Variants in SKI observed in about 807,000 individuals in gnomAD.
The protein encoded by SKI is SKI proto-oncogene.
In SKI, 23 loss-of-function variants were observed where a neutral mutation model predicts 59.3. That is an observed-to-expected ratio of 0.39 (90% CI 0.28 to 0.55). The LOEUF is 0.55. Ranked by LOEUF, SKI falls within the 20% of genes least tolerant of loss-of-function variation. The pLI is 0.67. For missense variants in SKI, 1,017 were observed against 1,038.9 expected (o/e 0.98, Z 0.29); for synonymous variants, 673 against 488.6 (o/e 1.38, Z -4.98).
chr1:2,306,857 C>G lies in SKI; in HGVS notation c.*92C>G. The G allele has an allele frequency of 1.1e-6, 1 of 877,620 alleles. No homozygotes were observed. The highest frequency in any genetic ancestry group is 1.5e-6 in the Non-Finnish European group (1 of 654,370). The allele number at this position is 877,620 out of a possible 1,614,324, so 54.4% of individuals were successfully genotyped here. A position where few individuals can be genotyped will look rare whatever the true frequency, so the allele number is the denominator to read the frequency against. Reference sequence around the variant, plus strand: ...GCTCCGCCCGGCTCCGCCCCTGCAGCCCACACAGCACAACGTCTTACCGTG... The same window carrying G: ...GCTCCGCCCGGCTCCGCCCCTGCAGGCCACACAGCACAACGTCTTACCGTG... On this transcript the variant is annotated 3_prime_UTR_variant, in exon 7 of 7. Transcript: ENST00000378536.
intron 1 of SKI, among the ~76,000 whole-genome samples, chr1:2,292,126 A>C (rs1640174916): frequency 6.6e-6 from 1 of 152,178 alleles, no homozygotes; most frequent in African/African-American, 2.4e-5. Context: ...CACCTGGAGG[A>C]GACAGCGATG....
chr1:2,284,695 A>C lies in SKI; in HGVS notation c.970-18283A>C, dbSNP rs559471536. 3.9e-5 allele frequency among the ~76,000 whole-genome samples: 6 copies of C among 152,188 alleles called. No homozygotes were observed. In the South Asian group the frequency reaches 1.0e-3, roughly 26 times the overall value. ...CCCTCCCGCCCCACACCGGCCTATG[A>C]GCCCTCCCTGGCCCCTGGGTGGCTG... On this transcript the variant is annotated intron_variant, in intron 1 of 6. Coordinates refer to ENST00000378536, the MANE Select transcript of SKI (RefSeq NM_003036.4).
rs1640649580 is a variant in SKI at position 2,308,233 on chromosome 1, TGGA to T, written c.*1471_*1473del. On this transcript the variant is annotated 3_prime_UTR_variant, in exon 7 of 7. Coordinates refer to ENST00000378536, the MANE Select transcript of SKI (RefSeq NM_003036.4). The stretch of plus-strand genomic sequence containing the variant: ...GGCAGCTGCACGCGCTCACAGAAGG[TGGA>T]GGTTACTTGCCCAGGTACAGACGAC... The T allele has an allele frequency of 6.6e-6, 1 of 152,104 alleles. No individual in the cohort carries two copies. Among genetic ancestry groups the T allele is most frequent in the Non-Finnish European group, 1.5e-5 (1 of 68,022 alleles). 9.4% of individuals were successfully genotyped at this position (152,104 alleles called of 1,614,324 possible).
At chr1:2,245,090 C>T (rs1000913398) in intron 1 of SKI, among the ~76,000 whole-genome samples, 1 of 152,320 alleles carries the variant, frequency 6.6e-6, no homozygotes, top group East Asian at 1.9e-4. Flanking sequence ...ACTCACTCCC[C>T]ATTCTGCCTC....
Position 2,306,797 on chromosome 1 carries a change from A to C in SKI, c.*32A>C. On this transcript the variant is annotated 3_prime_UTR_variant, in exon 7 of 7. Coordinates refer to ENST00000378536, the MANE Select transcript of SKI (RefSeq NM_003036.4). ...TGCCTGCCGCCGCAGCGCCGCCGAC[A>C]ACGCGGGTGCAGGGGGGCGCGGCTG... The C allele has an allele frequency of 6.9e-7, 1 of 1,459,846 alleles. No homozygotes were observed. The highest frequency in any genetic ancestry group is 9.0e-7 in the Non-Finnish European group (1 of 1,107,592). 90.4% of individuals were successfully genotyped at this position (1,459,846 alleles called of 1,614,324 possible).
At chr1:2,243,349 G>A (rs1450693258) in intron 1 of SKI, among the ~76,000 whole-genome samples, 1 of 152,226 alleles carries the variant, frequency 6.6e-6, no homozygotes, top group East Asian at 1.9e-4. Flanking sequence ...CGTGCTCCTC[G>A]GCAGGGGGCC....
At chr1:2,295,447 T>A (rs1454001441) in intron 1 of SKI, among the ~76,000 whole-genome samples, 6 of 152,184 alleles carry the variant, frequency 3.9e-5, no homozygotes, top group African/African-American at 1.2e-4. Context: ...AGAATATGGT[T>A]TAATGGTTTT....
At position 2,306,114 on chromosome 1, in the gene SKI, C is replaced by T. The variant is rs1332067848; in HGVS notation, c.1862C>T (p.Ala621Val). 1.3e-6 allele frequency: 2 copies of T among 1,599,106 alleles called. No homozygotes were observed. Among genetic ancestry groups the T allele is most frequent in the Admixed American group, 1.7e-5 (1 of 57,400 alleles). ...CGGAAGGAGATCGAGCGTCTCCGCGCCGAGAACGAGAAGAAGATGAAAGAG... is the reference window on the plus strand; with the variant it reads ...CGGAAGGAGATCGAGCGTCTCCGCGTCGAGAACGAGAAGAAGATGAAAGAG... The part of the protein sequence containing the change: ...NLRKEIERLR[A>V]ENEKKMKEAN... Residue 621 changes from alanine to valine, a missense_variant, in exon 6 of 7, where the codon GCC becomes GTC. By Grantham distance (64) the Ala-to-Val change is moderately conservative. Transcript: ENST00000378536.
intron 1 of SKI, among the ~76,000 whole-genome samples, chr1:2,271,367 C>T (rs1380016888): frequency 6.6e-5 from 10 of 151,996 alleles, no homozygotes; most frequent in Non-Finnish European, 1.0e-4. Flanking sequence ...CCTCTCCCGC[C>T]GGGAGAGGTC....
At chr1:2,249,040 C>G (rs943929540) in intron 1 of SKI, among the ~76,000 whole-genome samples, 2 of 152,238 alleles carry the variant, frequency 1.3e-5, no homozygotes, top group African/African-American at 4.8e-5. Context: ...AGGTACTTAG[C>G]AAAATGCCTG....
intron 1 of SKI, among the ~76,000 whole-genome samples, chr1:2,247,048 T>G (rs1000388328): frequency 1.3e-5 from 2 of 152,146 alleles, no homozygotes; most frequent in African/African-American, 4.8e-5. Flanking sequence ...TGGTGAAATC[T>G]CGTCTCTACT....
Position 2,306,194 on chromosome 1 carries a change from C to T in SKI, c.1942C>T (p.Arg648Trp), listed in dbSNP as rs555623960. The change falls in exon 6 of 7, where the codon CGG becomes TGG. Residue 648 changes from arginine (R) to tryptophan (W), a missense_variant. Transcript: ENST00000378536. ...KRELEQARQA[R>W]VCDKGCEAGR... ...GGAGCTGGAGCAGGCGCGGCAGGCC[C>T]GGGTGTGCGACAAGGGCTGCGAGGC... 3.2e-6 allele frequency: 5 copies of T among 1,583,434 alleles called. No homozygotes were observed. The highest frequency in any genetic ancestry group is 1.1e-5 in the South Asian group (1 of 87,158).
At chr1:2,287,913 C>T (rs565032785) in intron 1 of SKI, among the ~76,000 whole-genome samples, 32 of 152,336 alleles carry the variant, frequency 2.1e-4, no homozygotes, top group Admixed American at 5.2e-4. Context: ...GAGCCCTGGG[C>T]GCTCCTGGCC....
At position 2,229,523 on chromosome 1, in the gene SKI, A is replaced by C. The variant is rs767352419; in HGVS notation, c.757A>C (p.Met253Leu). ...CATCCAGTGCCTGGACTGCCGCCTC[A>C]TGTACCCGCCGCACAAGTTCGTGGT... ...ACIQCLDCRL[M>L]YPPHKFVVHS... is the part of the protein sequence containing the mutation. Residue 253 changes from methionine to leucine, a missense_variant, in exon 1 of 7, where the codon ATG becomes CTG. Coordinates refer to ENST00000378536, the MANE Select transcript of SKI (RefSeq NM_003036.4). This position sits in a 1 kb window ranked among gnomAD's most constrained non-coding sequence, Gnocchi z 6.3. The C allele has an allele frequency of 3.1e-6, 5 of 1,611,088 alleles. No individual in the cohort carries two copies. Among genetic ancestry groups the C allele is most frequent in the African/African-American group, 2.7e-5 (2 of 74,928 alleles).
chr1:2,305,040 C>A (rs1355184182), intron 5 of SKI, among the ~76,000 whole-genome samples: 1 of 152,222 alleles, frequency 6.6e-6, no homozygotes, highest in Non-Finnish European at 1.5e-5. Context: ...CTGCAAAACA[C>A]AGGCGTGAGG....
rs1388964670 is a variant in SKI at position 2,269,023 on chromosome 1, G to A, written c.970-33955G>A. On this transcript the variant is annotated intron_variant, in intron 1 of 6. Coordinates refer to ENST00000378536, the MANE Select transcript of SKI (RefSeq NM_003036.4). This position sits in a 1 kb window ranked among gnomAD's most constrained non-coding sequence, Gnocchi z 4.7. ...CTGGAGTGCAGCAGCACAGTCTTGCGGCCTCAACCTTGTTGGTTCAAGTGA... is the reference window on the plus strand; with the variant it reads ...CTGGAGTGCAGCAGCACAGTCTTGCAGCCTCAACCTTGTTGGTTCAAGTGA... 3.9e-5 allele frequency among the ~76,000 whole-genome samples: 6 copies of A among 152,084 alleles called. No individual in the cohort carries two copies. The highest frequency in any genetic ancestry group is 3.4e-3 in the Middle Eastern group (1 of 294).
chr1:2,302,714 C>T (rs1640455628), intron 1 of SKI, among the ~76,000 whole-genome samples: 1 of 152,200 alleles, frequency 6.6e-6, no homozygotes, highest in African/African-American at 2.4e-5. Context: ...CCCGGAATGG[C>T]AGGACAAGGT....
intron 1 of SKI, among the ~76,000 whole-genome samples, chr1:2,298,524 A>G (rs1640345701): frequency 6.6e-6 from 1 of 152,326 alleles, no homozygotes; most frequent in South Asian, 2.1e-4. Context: ...CTGAGGCAGC[A>G]TGAGCAGAGG....
intron 1 of SKI, among the ~76,000 whole-genome samples, chr1:2,278,757 A>T (rs55778641): frequency 2.2e-4 from 34 of 151,588 alleles, no homozygotes; most frequent in Non-Finnish European, 4.7e-4. Flanking sequence ...CCCAGGCTGG[A>T]TGCCGTGGCC....
Sources: allele counts gnomAD v4.1 joint callset (sites outside exome capture counted in the v4.1 genomes callset), GRCh38; gene constraint gnomAD v4.1.1; non-coding constraint Gnocchi (gnomAD v3.1); transcripts MANE v1.5; gene names NCBI Gene and HGNC (gene_info 2026-07-23, HGNC 2026-07-21).